Variants in TNC observed in about 807,000 individuals in gnomAD.
TNC encodes tenascin C.
A neutral mutation model predicts 202.4 loss-of-function variants in TNC; 109 were observed. That is an observed-to-expected ratio of 0.54 (90% CI 0.46 to 0.63). TNC has a LOEUF of 0.63. Among genes scored for constraint, TNC ranks in the 30% least tolerant of loss-of-function variants. TNC has a pLI of 0.00. For synonymous variants in TNC, 1,007 were observed against 1,089.7 expected (o/e 0.92, Z 1.50); for missense variants, 2,756 against 2,833.3 (o/e 0.97, Z 0.62).
At chr9:115,038,116 C>T in intron 20 of TNC, 145 bp downstream of exon 20, 1 of 1,032,402 alleles carries the variant, frequency 9.7e-7, no homozygotes, top group Non-Finnish European at 1.4e-6. Flanking sequence ...CAGTTGGGAG[C>T]CACATGAACA....
At chr9:115,094,678 G>A (rs1835480234) in intron 1 of TNC, among the ~76,000 whole-genome samples, 1 of 152,132 alleles carries the variant, frequency 6.6e-6, no homozygotes, top group Non-Finnish European at 1.5e-5. Context: ...TCTTGTAGGA[G>A]GAAGGACTAC....
chr9:115,074,319 G>A (rs1833683389), intron 9 of TNC, among the ~76,000 whole-genome samples: 2 of 152,162 alleles, frequency 1.3e-5, no homozygotes, highest in Non-Finnish European at 2.9e-5. Flanking sequence ...TTGGATCTAG[G>A]GACCTTTGGG....
At chr9:115,038,619 C>T (rs1830509159) in intron 19 of TNC, among the ~76,000 whole-genome samples, 1 of 152,184 alleles carries the variant, frequency 6.6e-6, no homozygotes, top group African/African-American at 2.4e-5. Context: ...GATAGTAATT[C>T]TGGCTGGTTT....
chr9:115,115,512 T>C (rs1241977458), intron 1 of TNC, among the ~76,000 whole-genome samples: 3 of 152,222 alleles, frequency 2.0e-5, no homozygotes, highest in African/African-American at 7.2e-5. Context: ...AGAGACATGC[T>C]GTGGATGATC....
intron 10 of TNC, among the ~76,000 whole-genome samples, chr9:115,067,694 T>C (rs1833058565): frequency 6.6e-6 from 1 of 152,176 alleles, no homozygotes; most frequent in African/African-American, 2.4e-5. Flanking sequence ...GATACTTTCA[T>C]CTAATTGTCC....
At chr9:115,069,751 C>G (rs1288903048) in intron 10 of TNC, among the ~76,000 whole-genome samples, 1 of 14,352 alleles carries the variant, frequency 7.0e-5, no homozygotes, top group African/African-American at 3.1e-4. Flanking sequence ...TCCCTCCCTC[C>G]CTCCCTCCCT....
chr9:115,094,536 A>T (rs1232453109), intron 1 of TNC, among the ~76,000 whole-genome samples: 1 of 152,244 alleles, frequency 6.6e-6, no homozygotes, highest in Non-Finnish European at 1.5e-5. Flanking sequence ...TAGGTCAGAC[A>T]TGAAGAATCA....
chr9:115,037,506 CT>C (rs1010528787), intron 20 of TNC, among the ~76,000 whole-genome samples: 91 of 152,078 alleles, frequency 6.0e-4, no homozygotes, highest in African/African-American at 2.1e-3. Flanking sequence ...GAAAACATTT[CT>C]GTTTTATTTA....
At chr9:115,109,545 G>A (rs937386375) in intron 1 of TNC, among the ~76,000 whole-genome samples, 5 of 152,140 alleles carry the variant, frequency 3.3e-5, no homozygotes, top group Non-Finnish European at 7.3e-5. Flanking sequence ...TCCCACCCTT[G>A]AGCCTGTTCT....
chr9:115,113,622 T>C lies in TNC; in HGVS notation c.-137+4360A>G, dbSNP rs186915260. 1.1e-3 allele frequency among the ~76,000 whole-genome samples: 172 copies of C among 152,288 alleles called. 1 individual carries two copies. The highest frequency in any genetic ancestry group is 3.9e-3 in the African/African-American group (163 of 41,552). ...CATGATATATCTCTGGCTCTTGGTATAGGGTATTTGAGGAGGGTTAAAGGA... is the reference window on the plus strand; with the variant it reads ...CATGATATATCTCTGGCTCTTGGTACAGGGTATTTGAGGAGGGTTAAAGGA... On this transcript the variant is annotated intron_variant, in intron 1 of 27. Coordinates refer to ENST00000350763, the MANE Select transcript of TNC (RefSeq NM_002160.4).
intron 25 of TNC, among the ~76,000 whole-genome samples, chr9:115,027,275 G>A (rs1277378149): frequency 6.6e-6 from 1 of 152,154 alleles, no homozygotes; most frequent in African/African-American, 2.4e-5. Context: ...ATAAGGTGGT[G>A]AAAGTACTTT....
rs761157201 is a variant in TNC, at chr9:115,063,062, C to T, written c.3888G>A (p.Val1296=). 1.9e-6 allele frequency: 3 copies of T among 1,614,142 alleles called. No homozygotes were observed. The highest frequency in any genetic ancestry group is 2.2e-5 in the East Asian group (1 of 44,874). ...FTIQVQEADQ[V]EEAHNLTVPG... ...GAACCGTGAGATTGTGAGCCTCTTC[C>T]ACCTGGTCAGCCTCCTGGACCTGAA... Residue 1296 remains valine, a synonymous_variant, in exon 13 of 28, where the codon GTG becomes GTA. Transcript: ENST00000350763.
At position 115,063,312 on chromosome 9, in the gene TNC, T is replaced by A. The variant is rs140545248; in HGVS notation, c.3761-123A>T. ...CTGGTTAGTGTTGATTATAGATGCA[T>A]GATTTACAGCAGGTGTTGAGCACAC... On this transcript the variant is annotated intron_variant, in intron 12 of 27. Transcript: ENST00000350763. 5.5e-5 allele frequency: 56 copies of A among 1,019,558 alleles called. No individual in the cohort carries two copies. The East Asian group carries it at 1.4e-3, about 25-fold the overall frequency. 63.2% of individuals were successfully genotyped at this position (1,019,558 alleles called of 1,614,324 possible).
chr9:115,090,135 T>G (rs1835107991), intron 2 of TNC, among the ~76,000 whole-genome samples: 1 of 152,196 alleles, frequency 6.6e-6, no homozygotes. Flanking sequence ...TCCCATCCTC[T>G]TTCCAGGCCT....
At chr9:115,031,197 A>G (rs1829922392) in intron 23 of TNC, among the ~76,000 whole-genome samples, 1 of 152,236 alleles carries the variant, frequency 6.6e-6, no homozygotes, top group Non-Finnish European at 1.5e-5. Context: ...CTGGGCTAGG[A>G]GTTCAAATGC....
rs767948969 is a variant in TNC at position 115,084,359 on chromosome 9, C to A, written c.1981G>T (p.Glu661Ter). ...EYLVVYTPTH[E>*]GGLEMQFRVP... ...CGGAACTGCATTTCCAGACCACCCT[C>A]GTGGGTGGGCGTGTACACGACAAGG... is the stretch of plus-strand genomic sequence containing the variant. Residue 661 changes from glutamate to a stop codon, truncating the protein, a stop_gained, in exon 4 of 28, where the codon GAG (glutamate) becomes TAG (stop). Coordinates refer to ENST00000350763, the MANE Select transcript of TNC (RefSeq NM_002160.4). LOFTEE classifies it high-confidence loss of function. 1.2e-6 allele frequency: 2 copies of A among 1,614,198 alleles called. No individual in the cohort carries two copies. Among genetic ancestry groups the A allele is most frequent in the Non-Finnish European group, 8.5e-7 (1 of 1,180,036 alleles).
chr9:115,086,613 C>T lies in TNC; in HGVS notation c.1118G>A (p.Ser373Asn). 2 of 1,614,204 alleles carry T rather than the reference C, an allele frequency of 1.2e-6. No individual in the cohort carries two copies. Among genetic ancestry groups the T allele is most frequent in the Non-Finnish European group, 1.7e-6 (2 of 1,180,044 alleles). ...CDEGFAGVDC[S>N]EKRCPADCHN... Reference sequence around the variant, plus strand: ...ACAGTCAGCAGGACACCTCTTCTCGCTGCAGTCCACACCGGCAAAGCCCTC... The same window carrying T: ...ACAGTCAGCAGGACACCTCTTCTCGTTGCAGTCCACACCGGCAAAGCCCTC... Residue 373 changes from serine (S) to asparagine (N), a missense_variant, in exon 3 of 28, where the codon AGC becomes AAC. Transcript: ENST00000350763.
intron 10 of TNC, among the ~76,000 whole-genome samples, chr9:115,072,524 C>T (rs1220205175): frequency 2.6e-5 from 4 of 152,226 alleles, no homozygotes; most frequent in Non-Finnish European, 4.4e-5. Context: ...ACTTCTAACC[C>T]TTTTCTTGCA....
chr9:115,057,006 G>C (rs1283345737), intron 15 of TNC, 147 bp downstream of exon 15: 1 of 901,660 alleles, frequency 1.1e-6, no homozygotes, highest in East Asian at 2.7e-5. Context: ...TTGGAAAAGA[G>C]TTATGTTAAA....
Sources: allele counts gnomAD v4.1 joint callset (sites outside exome capture counted in the v4.1 genomes callset), GRCh38; gene constraint gnomAD v4.1.1; transcripts MANE v1.5; gene names NCBI Gene and HGNC (gene_info 2026-07-23, HGNC 2026-07-21).